KIAA1549L: variants seen among roughly 807,000 people sequenced by gnomAD.
KIAA1549L encodes KIAA1549 like, also known as UPF0606 protein KIAA1549L.
KIAA1549L carries 88 observed loss-of-function variants against 160.7 expected under a neutral mutation model. The observed-to-expected ratio is 0.55, with a 90% CI of 0.46 to 0.65. The LOEUF (loss-of-function observed/expected upper bound fraction) is 0.65. Ranked by LOEUF, KIAA1549L falls within the 30% of genes least tolerant of loss-of-function variation. The pLI is 0.00. For missense variants in KIAA1549L, 2,258 were observed against 2,437.5 expected (o/e 0.93, Z 1.55); for synonymous variants, 950 against 976.7 (o/e 0.97, Z 0.51).
At chr11:33,546,504 A>G (rs1364930897) in intron 3 of KIAA1549L, among the ~76,000 whole-genome samples, 1 of 151,898 alleles carries the variant, frequency 6.6e-6, no homozygotes, top group African/African-American at 2.4e-5. Flanking sequence ...CCTTCTCTCC[A>G]TCCTATTTCA....
At chr11:33,499,401 G>A (rs1243000168) in intron 1 of KIAA1549L, among the ~76,000 whole-genome samples, 1 of 152,184 alleles carries the variant, frequency 6.6e-6, no homozygotes, top group South Asian at 2.1e-4. Context: ...TATTTATTGG[G>A]GTATTTTGGG....
chr11:33,606,607 A>G lies in KIAA1549L; in HGVS notation c.4880-34A>G, dbSNP rs1008907997. On this transcript the variant is annotated intron_variant, in intron 13 of 20. Transcript: ENST00000658780. ...TCCTGGGATCACACAGCTCCCCAAC[A>G]TCATAAAATCGATGTGTTTATGTTG... The G allele has an allele frequency of 6.9e-6, 11 of 1,603,478 alleles. No homozygotes were observed. The African/African-American group carries it at 1.2e-4, about 18-fold the overall frequency.
intron 8 of KIAA1549L, among the ~76,000 whole-genome samples, chr11:33,565,768 A>G (rs1465778944): frequency 6.7e-6 from 1 of 149,768 alleles, no homozygotes; most frequent in Non-Finnish European, 1.5e-5. Context: ...CTGTAATCTC[A>G]GCACTTTGGG....
chr11:33,621,863 C>T (rs903285916), intron 16 of KIAA1549L, among the ~76,000 whole-genome samples: 2 of 152,182 alleles, frequency 1.3e-5, no homozygotes, highest in Non-Finnish European at 2.9e-5. Flanking sequence ...AAATCCGTGG[C>T]AGGAAAGGAG....
intron 16 of KIAA1549L, among the ~76,000 whole-genome samples, chr11:33,625,478 G>A (rs1191741149): frequency 6.6e-6 from 1 of 152,158 alleles, no homozygotes; most frequent in Non-Finnish European, 1.5e-5. Context: ...GTATCTCATT[G>A]TGGTTTTGAT....
At chr11:33,610,478 G>A (rs1850620964) in intron 15 of KIAA1549L, among the ~76,000 whole-genome samples, 1 of 152,124 alleles carries the variant, frequency 6.6e-6, no homozygotes, top group Non-Finnish European at 1.5e-5. Flanking sequence ...CTATGTATTA[G>A]GTACCATTCA....
rs143085767 is a variant in KIAA1549L, at chr11:33,579,427, CCCTTTCCA to C, written c.4403-3910_4403-3903del. Among the ~76,000 whole-genome samples, 4 of 152,306 alleles carry C rather than the reference CCCTTTCCA, an allele frequency of 2.6e-5. No individual in the cohort carries two copies. In the East Asian group the frequency reaches 7.7e-4, roughly 29 times the overall value. The stretch of plus-strand genomic sequence containing the variant: ...CTAACAATGCCTCTCCTCTCCAGTC[CCCTTTCCA>C]TCTTCATTAGTTGCACCCTCTTCTC... On this transcript the variant is annotated intron_variant, in intron 10 of 20. Coordinates refer to ENST00000658780, the MANE Select transcript of KIAA1549L (RefSeq NM_012194.3).
chr11:33,410,991 T>C (rs1282134364), intron 1 of KIAA1549L, among the ~76,000 whole-genome samples: 1 of 149,820 alleles, frequency 6.7e-6, no homozygotes, highest in Non-Finnish European at 1.5e-5. Context: ...CAAGGACCAG[T>C]TTAGGGGAGT....
chr11:33,408,489 G>GTGTATATATATATATATA (rs34208718), intron 1 of KIAA1549L, among the ~76,000 whole-genome samples: 243 of 123,006 alleles, frequency 2.0e-3, no homozygotes, highest in African/African-American at 6.8e-3. Flanking sequence ...CTGTATATGT[G>GTGTATATATATATATATA]TATATATATA....
chr11:33,532,086 G>A (rs993838933), intron 1 of KIAA1549L, among the ~76,000 whole-genome samples: 1 of 152,212 alleles, frequency 6.6e-6, no homozygotes, highest in African/African-American at 2.4e-5. Flanking sequence ...CCAGGGCTGA[G>A]TCACACTAGG....
chr11:33,584,566 G>A (rs1855750116), intron 11 of KIAA1549L, among the ~76,000 whole-genome samples: 1 of 152,334 alleles, frequency 6.6e-6, no homozygotes, highest in Non-Finnish European at 1.5e-5. Flanking sequence ...TATACTAACT[G>A]TCATACCTGA....
chr11:33,395,464 A>G (rs1850355078), intron 1 of KIAA1549L, among the ~76,000 whole-genome samples: 1 of 152,166 alleles, frequency 6.6e-6, no homozygotes, highest in Non-Finnish European at 1.5e-5. Flanking sequence ...TCTTTCATCT[A>G]TATATCGATG....
At chr11:33,399,971 C>T (rs1301262800) in intron 1 of KIAA1549L, among the ~76,000 whole-genome samples, 2 of 152,220 alleles carry the variant, frequency 1.3e-5, no homozygotes, top group Non-Finnish European at 2.9e-5. Context: ...TGACTCCGCT[C>T]ATACTGCTAG....
chr11:33,434,281 G>A (rs563735499), intron 1 of KIAA1549L, among the ~76,000 whole-genome samples: 144 of 152,084 alleles, frequency 9.5e-4, no homozygotes, highest in Non-Finnish European at 9.9e-4. Context: ...TTATAAATGG[G>A]AGTTCCCCTG....
intron 6 of KIAA1549L, among the ~76,000 whole-genome samples, chr11:33,553,475 C>G (rs186214356): frequency 6.6e-6 from 1 of 152,140 alleles, no homozygotes; most frequent in Non-Finnish European, 1.5e-5. Flanking sequence ...GGACATTTAG[C>G]GTAAGTGAAT....
At chr11:33,633,727 G>A (rs150349614) in intron 16 of KIAA1549L, among the ~76,000 whole-genome samples, 2 of 152,318 alleles carry the variant, frequency 1.3e-5, no homozygotes, top group African/African-American at 4.8e-5. Context: ...TATGACTGTG[G>A]TTTATATATT....
At chr11:33,472,993 T>G (rs1852211824) in intron 1 of KIAA1549L, among the ~76,000 whole-genome samples, 1 of 152,200 alleles carries the variant, frequency 6.6e-6, no homozygotes, top group Admixed American at 6.5e-5. Flanking sequence ...GCAGCCACCC[T>G]GTAGTGACCA....
At chr11:33,532,641 A>C (rs1320901396) in intron 1 of KIAA1549L, among the ~76,000 whole-genome samples, 1 of 152,232 alleles carries the variant, frequency 6.6e-6, no homozygotes, top group East Asian at 1.9e-4. Flanking sequence ...GGGCCTGATC[A>C]AAAGCTGCAG....
At chr11:33,392,630 C>G (rs57702339) in intron 1 of KIAA1549L, among the ~76,000 whole-genome samples, 1 of 152,114 alleles carries the variant, frequency 6.6e-6, no homozygotes, top group Non-Finnish European at 1.5e-5. Flanking sequence ...ATTCCCATCT[C>G]TTCTCACTCG....
Sources: gnomAD v4.1 joint callset for allele counts (sites outside exome capture counted in the v4.1 genomes callset) on GRCh38, gnomAD v4.1.1 for gene constraint, MANE v1.5 for transcripts, NCBI Gene and HGNC (gene_info 2026-07-23, HGNC 2026-07-21) for gene names.